The following GIT1 variants were observed in gnomAD, a reference collection of about 807,000 sequenced individuals.
GIT1 encodes the protein GIT ArfGAP 1, also known as ARF GTPase-activating protein GIT1.
In GIT1, 14 loss-of-function variants were observed where a neutral mutation model predicts 91.7. That is an observed-to-expected ratio of 0.15 (90% CI 0.10 to 0.24). GIT1 has a LOEUF of 0.24. Ranked by LOEUF, GIT1 falls within the 10% of genes least tolerant of loss-of-function variation. The pLI is 1.00. For synonymous variants in GIT1, 414 were observed against 418.2 expected, an observed-to-expected ratio of 0.99 and a Z score of 0.12; for missense variants, 717 against 1,024.9, an observed-to-expected ratio of 0.70 and a Z score of 4.10.
chr17:29,574,018 C>T lies in GIT1; in HGVS notation c.*684G>A, dbSNP rs2033087624. 1 of 152,494 alleles carries T rather than the reference C, an allele frequency of 6.6e-6. No individual in the cohort carries two copies. The highest frequency in any genetic ancestry group is 1.5e-5 in the Non-Finnish European group (1 of 68,138). 9.4% of individuals were successfully genotyped at this position (152,494 alleles called of 1,614,324 possible). A position where few individuals can be genotyped will look rare whatever the true frequency, so the allele number is the denominator to read the frequency against. ...CTGGTCCCCTCACCCCTCAAAACTC[C>T]AGATGGACCAGGCCTCCGGAACGGC... On this transcript the variant is annotated 3_prime_UTR_variant, in exon 20 of 20. Coordinates refer to ENST00000225394, the MANE Select transcript of GIT1 (RefSeq NM_014030.4).
At chr17:29,578,250 C>A (rs1480516841) in intron 9 of GIT1, 49 bp downstream of exon 9, 2 of 1,473,850 alleles carry the variant, frequency 1.4e-6, no homozygotes, top group East Asian at 4.5e-5. Context: ...AGACCCATGC[C>A]TGGGCCGCTC....
chr17:29,576,314 G>A lies in GIT1; in HGVS notation c.1517C>T (p.Ala506Val), dbSNP rs1391014546. 6.2e-7 allele frequency: 1 copy of A among 1,613,010 alleles called. No homozygotes were observed. Among genetic ancestry groups the A allele is most frequent in the Admixed American group, 1.7e-5 (1 of 60,028 alleles). The part of the protein sequence containing the change: ...GGSTHRRDRQ[A>V]FSMYEPGSAL... ...AGAGCCAGGTTCATACATGGAAAAG[G>A]CCTGGCGATCCCTGCGGTGTGTGCT... is the stretch of plus-strand genomic sequence containing the variant. Residue 506 changes from alanine to valine, a missense_variant, in exon 14 of 20, where the codon GCC becomes GTC. Around this residue, in one of 3 missense-constraint regions of GIT1, gnomAD observed 312 missense variants for 349.5 expected, o/e 0.89. Coordinates refer to ENST00000225394, the MANE Select transcript of GIT1 (RefSeq NM_014030.4).
chr17:29,587,149 G>C (rs185220951), intron 1 of GIT1, among the ~76,000 whole-genome samples: 1 of 152,280 alleles, frequency 6.6e-6, no homozygotes, highest in East Asian at 1.9e-4. Context: ...CCATGGGGCT[G>C]GCACTGGATC....
rs2033209716 is a variant in GIT1 at position 29,576,545 on chromosome 17, C to T, written c.1357G>A (p.Glu453Lys). The change falls in exon 13 of 20, where the codon GAG becomes AAG. Residue 453 changes from glutamate to lysine, a missense_variant. Glu to Lys is a moderately conservative substitution (Grantham distance 56, BLOSUM62 1). Transcript: ENST00000225394. ...LMKVNSSLSD[E>K]LRRLQREIHK... ...ACCTCTCGCTGCAGCCTCCGGAGCT[C>T]GTCGCTCAGGCTACTGTTGACCTTC... The T allele has an allele frequency of 5.6e-6, 9 of 1,613,966 alleles. No individual in the cohort carries two copies. Among genetic ancestry groups the T allele is most frequent in the African/African-American group, 1.3e-5 (1 of 75,040 alleles).
chr17:29,578,740 C>T lies in GIT1; in HGVS notation c.801G>A (p.Lys267=). 2 of 1,614,096 alleles carry T rather than the reference C, an allele frequency of 1.2e-6. No homozygotes were observed. Residue 267 remains lysine (K), a synonymous_variant, in exon 8 of 20, where the codon AAG becomes AAA. Transcript: ENST00000225394. The part of the protein sequence containing the change: ...LSELAKAAKK[K]LQALSNRLFE... ...GTTGGAGCAGACTTACCGCCTGCAG[C>T]TTCTTCTTAGCAGCTTTGGCCAATT...
intron 7 of GIT1, among the ~76,000 whole-genome samples, chr17:29,580,468 A>G (rs3115096): frequency 0.75 from 114,712 of 152,152 alleles, 43,572 homozygotes; most frequent in East Asian, 0.92. Context: ...GCATGAGGAC[A>G]TGGCCATCAG....
chr17:29,578,018 G>C (rs536316829), intron 9 of GIT1, among the ~76,000 whole-genome samples: 4 of 152,240 alleles, frequency 2.6e-5, no homozygotes, highest in African/African-American at 4.8e-5. Flanking sequence ...AGTGATGCAG[G>C]GGGGTGGAGC....
At position 29,577,748 on chromosome 17, in the gene GIT1, G is replaced by A; in HGVS notation, c.884-6C>T. ...GTTTTGGGTAGCCAGCCACACTGTA[G>A]GGGACGGACAGGAGCAGATCAGCCA... On this transcript the variant is annotated splice_region_variant and splice_polypyrimidine_tract_variant and intron_variant, in intron 9 of 19. Transcript: ENST00000225394. The A allele has an allele frequency of 6.3e-7, 1 of 1,583,824 alleles. No homozygotes were observed. Among genetic ancestry groups the A allele is most frequent in the South Asian group, 1.1e-5 (1 of 90,508 alleles).
rs143219325 is a variant in GIT1 at position 29,576,660 on chromosome 17, C to G, written c.1242G>C (p.Ser414=). The G allele has an allele frequency of 2.5e-6, 4 of 1,613,826 alleles. No individual in the cohort carries two copies. The highest frequency in any genetic ancestry group is 3.4e-6 in the Non-Finnish European group (4 of 1,180,010). The change falls in exon 13 of 20, where the codon TCG becomes TCC. Residue 414 remains serine, a synonymous_variant. Coordinates refer to ENST00000225394, the MANE Select transcript of GIT1 (RefSeq NM_014030.4). ...RSNRARSMDS[S]DLSDGAVTLQ... Reference sequence around the variant, plus strand: ...GCGTCACAGCCCCGTCAGACAAGTCCGAGGAGTCCATGCTCTGCAGAGAGA... The same window carrying G: ...GCGTCACAGCCCCGTCAGACAAGTCGGAGGAGTCCATGCTCTGCAGAGAGA...
rs765038035 is a variant in GIT1, at chr17:29,575,770, G to A, written c.1752+42C>T. The A allele has an allele frequency of 4.7e-5, 76 of 1,607,088 alleles. No individual in the cohort carries two copies. The highest frequency in any genetic ancestry group is 1.6e-4 in the Middle Eastern group (1 of 6,066). ...GACCCACACTGCCCCTAGCCCACAC[G>A]GCCCCCAGCCACCCTGTGGGCACTG... On this transcript the variant is annotated intron_variant, in intron 16 of 19. Coordinates refer to ENST00000225394, the MANE Select transcript of GIT1 (RefSeq NM_014030.4). The surrounding 1 kb of genome is among the most constrained non-coding windows in gnomAD (Gnocchi z 5.5).
intron 1 of GIT1, among the ~76,000 whole-genome samples, chr17:29,585,544 T>C (rs767520688): frequency 1.2e-4 from 18 of 152,166 alleles, no homozygotes; most frequent in Non-Finnish European, 2.2e-4. Flanking sequence ...AGGGTTTGCC[T>C]GGCACTTTCC....
In GIT1 at chr17:29,574,602, G is replaced by C. The variant is rs1233996971; in HGVS notation, c.*100C>G. 9.8e-7 allele frequency: 1 copy of C among 1,025,488 alleles called. No individual in the cohort carries two copies. The highest frequency in any genetic ancestry group is 1.5e-6 in the Non-Finnish European group (1 of 657,460). 63.5% of individuals were successfully genotyped at this position (1,025,488 alleles called of 1,614,324 possible). ...GAGTGTGGCAGCACTAAGGGCACTT[G>C]TGCCAGTGGCTCTGTTGGGGTGGGG... On this transcript the variant is annotated 3_prime_UTR_variant, in exon 20 of 20. Transcript: ENST00000225394.
Position 29,576,228 on chromosome 17 carries a change from G to A in GIT1, c.1603C>T (p.His535Tyr), listed in dbSNP as rs951722263. The A allele has an allele frequency of 6.2e-7, 1 of 1,607,892 alleles. No homozygotes were observed. The highest frequency in any genetic ancestry group is 8.5e-7 in the Non-Finnish European group (1 of 1,175,598). ...DELTTRLQPF[H>Y]STELEDDAIY... Reference sequence around the variant, plus strand: ...ACCCATAGGTGACTCACAGTGCTGTGGAAAGGCTGCAGCCGCGTAGTGAGC... The same window carrying A: ...ACCCATAGGTGACTCACAGTGCTGTAGAAAGGCTGCAGCCGCGTAGTGAGC... Residue 535 changes from histidine (H) to tyrosine (Y), a missense_variant, in exon 14 of 20, where the codon CAC (histidine) becomes TAC (tyrosine). By Grantham distance (83) the His-to-Tyr change is moderately conservative. Transcript: ENST00000225394.
chr17:29,581,874 G>A lies in GIT1; in HGVS notation c.624-38C>T, dbSNP rs1345708230. 5.0e-6 allele frequency: 8 copies of A among 1,608,740 alleles called. No homozygotes were observed. Among genetic ancestry groups the A allele is most frequent in the Non-Finnish European group, 6.8e-6 (8 of 1,176,648 alleles). On this transcript the variant is annotated intron_variant, in intron 5 of 19. Transcript: ENST00000225394. This position sits in a 1 kb window ranked among gnomAD's most constrained non-coding sequence, Gnocchi z 4.8. ...GGTATGGCTCAGACCTGCAGCAGCA[G>A]CCCTCACCCACACCCCCACCCACCC...
rs569950731 is a variant in GIT1 at position 29,581,499 on chromosome 17, G to C, written c.719-119C>G. 10 of 848,992 alleles carry C rather than the reference G, an allele frequency of 1.2e-5. No homozygotes were observed. The highest frequency in any genetic ancestry group is 1.9e-5 in the Admixed American group (1 of 53,278). The allele number at this position is 848,992 out of a possible 1,614,324, so 52.6% of individuals were successfully genotyped here. ...CAGAAGTGTCAGGGGAAAGTGGGGA[G>C]GGCAGGCCACCCCCAAGAATGCTGG... On this transcript the variant is annotated intron_variant, in intron 6 of 19. Coordinates refer to ENST00000225394, the MANE Select transcript of GIT1 (RefSeq NM_014030.4). This position sits in a 1 kb window ranked among gnomAD's most constrained non-coding sequence, Gnocchi z 4.8.
Position 29,589,311 on chromosome 17 carries a change from GC to G in GIT1, c.52+15del. ...GCCTGGCTGTGCGGTCCCGCCCCCG[GC>G]CCCGCCGCGCTTACCCGGGGCGCTG... On this transcript the variant is annotated intron_variant, in intron 1 of 19. Coordinates refer to ENST00000225394, the MANE Select transcript of GIT1 (RefSeq NM_014030.4). The surrounding 1 kb of genome is among the most constrained non-coding windows in gnomAD (Gnocchi z 5.2). The G allele has an allele frequency of 9.8e-7, 1 of 1,024,878 alleles. No homozygotes were observed. The highest frequency in any genetic ancestry group is 1.2e-6 in the Non-Finnish European group (1 of 854,856). 63.5% of individuals were successfully genotyped at this position (1,024,878 alleles called of 1,614,324 possible). A position where few individuals can be genotyped will look rare whatever the true frequency, so the allele number is the denominator to read the frequency against.
At chr17:29,579,238 C>T (rs905640852) in intron 7 of GIT1, 1 of 552,078 alleles carries the variant, frequency 1.8e-6, no homozygotes, top group Non-Finnish European at 3.2e-6. Context: ...CCTCCCTCAC[C>T]CTCCAGTCCT....
rs766705850 is a variant in GIT1, at chr17:29,581,386, C to A, written c.719-6G>T. On this transcript the variant is annotated splice_region_variant and splice_polypyrimidine_tract_variant and intron_variant, in intron 6 of 19. Coordinates refer to ENST00000225394, the MANE Select transcript of GIT1 (RefSeq NM_014030.4). The surrounding 1 kb of genome is among the most constrained non-coding windows in gnomAD (Gnocchi z 4.8). ...GTAATGCCCATTCTTGTGATCTGAA[C>A]AAAAATAAAAATGCCAAGTCACTCA... 2.5e-6 allele frequency: 4 copies of A among 1,611,682 alleles called. No homozygotes were observed. The South Asian group carries it at 3.3e-5, about 13-fold the overall frequency.
Position 29,574,738 on chromosome 17 carries a change from C to T in GIT1, c.2250G>A (p.Gln750=). 1.9e-6 allele frequency: 3 copies of T among 1,613,602 alleles called. No individual in the cohort carries two copies. Among genetic ancestry groups the T allele is most frequent in the Non-Finnish European group, 2.5e-6 (3 of 1,179,854 alleles). The change falls in exon 20 of 20, where the codon CAG becomes CAA. Residue 750 remains glutamine (Q), a synonymous_variant. Transcript: ENST00000225394. ...CAYDIAKAAK[Q]LVTITTREKK... is the part of the protein sequence containing the mutation. ...TCTCTCGGGTGGTGATGGTGACCAG[C>T]TGCTTGGCAGCCTTGGCGATGTCAT...
Sources: allele counts gnomAD v4.1 joint callset (sites outside exome capture counted in the v4.1 genomes callset), GRCh38; gene constraint gnomAD v4.1.1; regional missense constraint gnomAD v4.1.1; non-coding constraint Gnocchi (gnomAD v3.1); transcripts MANE v1.5; gene names NCBI Gene and HGNC (gene_info 2026-07-23, HGNC 2026-07-21).